Variants in ADAMTS6 observed in about 807,000 individuals in gnomAD.
ADAMTS6 encodes the protein ADAM metallopeptidase with thrombospondin type 1 motif 6, also known as A disintegrin and metalloproteinase with thrombospondin motifs 6.
ADAMTS6 carries 23 observed loss-of-function variants against 144.3 expected under a neutral mutation model. The ratio of observed to expected loss-of-function variants is 0.16; its 90% confidence interval spans 0.11 to 0.23. ADAMTS6 has a LOEUF of 0.23. ADAMTS6 is among the 10% of genes least tolerant of loss of function. The pLI, the probability that ADAMTS6 is intolerant of heterozygous loss-of-function variation, is 1.00. For synonymous variants in ADAMTS6, 444 were observed against 457.5 expected (o/e 0.97, Z 0.38); for missense variants, 999 against 1,379.6 (o/e 0.72, Z 4.37).
intron 7 of ADAMTS6, among the ~76,000 whole-genome samples, chr5:65,388,212 C>A (rs962558401): frequency 3.3e-5 from 5 of 149,860 alleles, no homozygotes; most frequent in Admixed American, 6.7e-5. Context: ...CCAACCCCCC[C>A]AAAAAAAAAG....
intron 24 of ADAMTS6, among the ~76,000 whole-genome samples, chr5:65,167,819 G>T (rs867555119): frequency 1.6e-5 from 1 of 62,090 alleles, no homozygotes; most frequent in Middle Eastern, 4.6e-3. Context: ...AAAAGCCTTT[G>T]ACAAAATTCA....
chr5:65,311,535 G>T (rs565430756), intron 9 of ADAMTS6, among the ~76,000 whole-genome samples: 7 of 151,886 alleles, frequency 4.6e-5, no homozygotes, highest in African/African-American at 1.7e-4. Context: ...CCTTACATAG[G>T]GTAAAAGCAT....
At chr5:65,178,939 C>T (rs1754157860) in intron 22 of ADAMTS6, among the ~76,000 whole-genome samples, 2 of 152,110 alleles carry the variant, frequency 1.3e-5, no homozygotes, top group Non-Finnish European at 2.9e-5. Flanking sequence ...TCAGTTTATT[C>T]TAGCAGGCTC....
intron 11 of ADAMTS6, among the ~76,000 whole-genome samples, chr5:65,282,449 T>C (rs1763054127): frequency 6.6e-6 from 1 of 152,100 alleles, no homozygotes; most frequent in Admixed American, 6.6e-5. Flanking sequence ...TGTAAATGTT[T>C]CTTATTAGAC....
At chr5:65,430,314 C>T (rs1756895958) in intron 7 of ADAMTS6, among the ~76,000 whole-genome samples, 1 of 152,018 alleles carries the variant, frequency 6.6e-6, no homozygotes, top group African/African-American at 2.4e-5. Flanking sequence ...AGCCCTGACC[C>T]CAGTTTTATT....
intron 22 of ADAMTS6, among the ~76,000 whole-genome samples, chr5:65,176,264 T>C (rs1005403112): frequency 6.6e-6 from 1 of 152,164 alleles, no homozygotes; most frequent in African/African-American, 2.4e-5. Flanking sequence ...TCTGCGAAAG[T>C]CGTGAAAGAA....
chr5:65,413,951 T>C (rs185762465), intron 7 of ADAMTS6, among the ~76,000 whole-genome samples: 50 of 152,258 alleles, frequency 3.3e-4, no homozygotes, highest in African/African-American at 1.2e-3. Flanking sequence ...CTTTGGCATA[T>C]TGAATATGTT....
intron 7 of ADAMTS6, among the ~76,000 whole-genome samples, chr5:65,391,468 T>G (rs1048470064): frequency 2.6e-5 from 4 of 151,694 alleles, no homozygotes; most frequent in African/African-American, 9.7e-5. Context: ...TTCTCAACTA[T>G]TTGAAATCAT....
chr5:65,336,218 G>C (rs1747292280), intron 7 of ADAMTS6, among the ~76,000 whole-genome samples: 1 of 152,048 alleles, frequency 6.6e-6, no homozygotes. Flanking sequence ...CTAAGGGAGA[G>C]GTGGGAGAGT....
chr5:65,360,194 G>A (rs1051877377), intron 7 of ADAMTS6, among the ~76,000 whole-genome samples: 5 of 152,152 alleles, frequency 3.3e-5, no homozygotes, highest in African/African-American at 1.2e-4. Flanking sequence ...GAAGGCAAAC[G>A]GGGAGTGAGT....
chr5:65,289,634 T>C (rs190629079), intron 11 of ADAMTS6, among the ~76,000 whole-genome samples: 86 of 152,324 alleles, frequency 5.6e-4, no homozygotes, highest in African/African-American at 1.9e-3. Flanking sequence ...ATTAGATATA[T>C]AGATATAGCA....
chr5:65,275,359 GAAAGAA>G (rs1762396004), intron 11 of ADAMTS6, among the ~76,000 whole-genome samples: 1 of 32,768 alleles, frequency 3.1e-5, no homozygotes, highest in Non-Finnish European at 6.9e-5. Context: ...AGAAGAGAAA[GAAAGAA>G]AGAAAGAAAG....
Position 65,304,567 on chromosome 5 carries a change from G to A in ADAMTS6, c.1224-4436C>T, listed in dbSNP as rs114916056. Among the ~76,000 whole-genome samples, 1,085 of 152,038 alleles carry A rather than the reference G, an allele frequency of 7.1e-3. 11 individuals are homozygous for A. Among genetic ancestry groups the A allele is most frequent in the African/African-American group, 0.025 (1,034 of 41,450 alleles). On this transcript the variant is annotated intron_variant, in intron 9 of 24. Coordinates refer to ENST00000381055, the MANE Select transcript of ADAMTS6 (RefSeq NM_197941.4). ...CCCACTTCATTCTCCCAAGTCGCTG[G>A]GACCACAGGTCTGCAACACCAAACC...
intron 7 of ADAMTS6, among the ~76,000 whole-genome samples, chr5:65,385,579 ATTT>A (rs1752413686): frequency 6.6e-6 from 1 of 152,094 alleles, no homozygotes; most frequent in Non-Finnish European, 1.5e-5. Flanking sequence ...AATTATCATC[ATTT>A]TTTATTTTAT....
intron 7 of ADAMTS6, among the ~76,000 whole-genome samples, chr5:65,389,098 C>G (rs184044071): frequency 6.6e-6 from 1 of 152,018 alleles, no homozygotes; most frequent in Admixed American, 6.6e-5. Context: ...CAGCTACTCG[C>G]GAGGCTGAGG....
chr5:65,299,311 C>T (rs994286222), intron 10 of ADAMTS6, among the ~76,000 whole-genome samples: 1 of 152,112 alleles, frequency 6.6e-6, no homozygotes, highest in African/African-American at 2.4e-5. Flanking sequence ...GGAACACGCA[C>T]TTAGAAAGTG....
chr5:65,197,208 G>A (rs1046635201), intron 20 of ADAMTS6, 57 bp from the exon 21 acceptor site: 4 of 1,587,274 alleles, frequency 2.5e-6, no homozygotes, highest in African/African-American at 2.7e-5. Context: ...ATTAAGTTAG[G>A]TATGCATAGC....
rs571695732 is a variant in ADAMTS6 at position 65,445,850 on chromosome 5, C to G, written c.1073+5625G>C. ...AATAGTGGGCAACAGAGTGAGAGAC[C>G]CTGTCTCAAGAAAAAAAGAAAGAAA... On this transcript the variant is annotated intron_variant, in intron 7 of 24. Transcript: ENST00000381055. Among the ~76,000 whole-genome samples the G allele has an allele frequency of 2.0e-5, 3 of 151,910 alleles. No individual in the cohort carries two copies. In the South Asian group the frequency reaches 6.2e-4, roughly 32 times the overall value.
chr5:65,353,371 A>G (rs1006487837), intron 7 of ADAMTS6, among the ~76,000 whole-genome samples: 1 of 152,082 alleles, frequency 6.6e-6, no homozygotes, highest in Non-Finnish European at 1.5e-5. Flanking sequence ...GCTGGGAAGT[A>G]GTAAACTTGG....
Sources: gnomAD v4.1 joint callset for allele counts (sites outside exome capture counted in the v4.1 genomes callset) on GRCh38, gnomAD v4.1.1 for gene constraint, MANE v1.5 for transcripts, NCBI Gene and HGNC (gene_info 2026-07-23, HGNC 2026-07-21) for gene names.